MYT1: variants seen among roughly 807,000 people sequenced by gnomAD.
MYT1 encodes the protein myelin transcription factor I.
Under a neutral mutation model 123.0 loss-of-function variants are expected in MYT1, and 23 were observed. The ratio of observed to expected loss-of-function variants is 0.19; its 90% CI spans 0.13 to 0.26. MYT1 has a LOEUF of 0.26. Among genes scored for constraint, MYT1 ranks in the 10% least tolerant of loss-of-function variants. The pLI, the probability that MYT1 is intolerant of heterozygous loss-of-function variation, is 1.00. For synonymous variants in MYT1, 518 were observed against 575.3 expected, an observed-to-expected ratio of 0.90 and a Z score of 1.43; for missense variants, 1,125 against 1,472.5, an observed-to-expected ratio of 0.76 and a Z score of 3.86.
Position 64,221,992 on chromosome 20 carries a change from C to T in MYT1, c.2341C>T (p.Leu781=). ...GCGGAAGTATCCGGGGGAAGTCACC[C>T]TGACCAACTTTAAGCTGAAGTTTCT... The part of the protein sequence containing the change: ...EERKYPGEVT[L]TNFKLKFLSK... Residue 781 remains leucine, a synonymous_variant, in exon 14 of 23, where the codon CTG becomes TTG. Coordinates refer to ENST00000328439, the MANE Select transcript of MYT1 (RefSeq NM_004535.3). 1 of 1,613,590 alleles carries T rather than the reference C, an allele frequency of 6.2e-7. No individual in the cohort carries two copies. Among genetic ancestry groups the T allele is most frequent in the Non-Finnish European group, 8.5e-7 (1 of 1,180,032 alleles).
intron 6 of MYT1, among the ~76,000 whole-genome samples, chr20:64,206,799 T>C (rs1316017632): frequency 6.6e-6 from 1 of 152,210 alleles, no homozygotes; most frequent in Non-Finnish European, 1.5e-5. Flanking sequence ...CCCTCCGAAG[T>C]AGGTGGATGG....
At chr20:64,180,414 C>G (rs1569306583) in intron 1 of MYT1, among the ~76,000 whole-genome samples, 1 of 152,230 alleles carries the variant, frequency 6.6e-6, no homozygotes, top group Non-Finnish European at 1.5e-5. Context: ...TTTCCATTAT[C>G]TTTAATGTGT....
At chr20:64,205,473 C>T in intron 5 of MYT1, 80 bp from the exon 6 acceptor site, 1 of 1,560,998 alleles carries the variant, frequency 6.4e-7, no homozygotes, top group Non-Finnish European at 8.7e-7. Flanking sequence ...AGGGAGGACC[C>T]TCGGGAGGGG....
chr20:64,227,813 A>AT lies in MYT1; in HGVS notation c.2592-75_2592-74insT. On this transcript the variant is annotated intron_variant, in intron 17 of 22. Coordinates refer to ENST00000328439, the MANE Select transcript of MYT1 (RefSeq NM_004535.3). Reference sequence around the variant, plus strand: ...CCCTGGGGTCACAGAGCTTGAGGGGAGAGGGTGAGATGAACGGGTGTGAGA... The same window carrying AT: ...CCCTGGGGTCACAGAGCTTGAGGGGATGAGGGTGAGATGAACGGGTGTGAGA... 4.8e-6 allele frequency: 3 copies of AT among 626,344 alleles called. No individual in the cohort carries two copies. In the South Asian group the frequency reaches 5.0e-5, roughly 10 times the overall value. The allele number at this position is 626,344 out of a possible 1,614,324, so 38.8% of individuals were successfully genotyped here. A position where few individuals can be genotyped will look rare whatever the true frequency, so the allele number is the denominator to read the frequency against.
At chr20:64,226,534 G>A (rs1471408354) in intron 16 of MYT1, among the ~76,000 whole-genome samples, 2 of 152,252 alleles carry the variant, frequency 1.3e-5, no homozygotes, top group Non-Finnish European at 1.5e-5. Flanking sequence ...CCTGGCTCCT[G>A]CAGGGTCAGG....
intron 14 of MYT1, among the ~76,000 whole-genome samples, chr20:64,222,524 C>A (rs1047614202): frequency 6.6e-6 from 1 of 152,244 alleles, no homozygotes; most frequent in African/African-American, 2.4e-5. Flanking sequence ...TGAGCTGGTC[C>A]GCATGGGGTT....
rs529380181 is a variant in MYT1, at chr20:64,166,134, A to G, written c.-99+1395A>G. Reference sequence around the variant, plus strand: ...TTGGCTGTGATTATCGCCTCCTTCCATATGGCCCTGTTAATTAACGGTAAA... The same window carrying G: ...TTGGCTGTGATTATCGCCTCCTTCCGTATGGCCCTGTTAATTAACGGTAAA... On this transcript the variant is annotated intron_variant, in intron 1 of 22. Coordinates refer to ENST00000328439, the MANE Select transcript of MYT1 (RefSeq NM_004535.3). The surrounding 1 kb of genome is among the most constrained non-coding windows in gnomAD (Gnocchi z 4.9). 2.0e-5 allele frequency among the ~76,000 whole-genome samples: 3 copies of G among 152,228 alleles called. No homozygotes were observed. Among genetic ancestry groups the G allele is most frequent in the South Asian group, 2.1e-4 (1 of 4,820 alleles).
intron 4 of MYT1, among the ~76,000 whole-genome samples, 153 bp downstream of exon 4, chr20:64,200,075 G>A (rs1568707266): frequency 6.6e-6 from 1 of 152,122 alleles, no homozygotes; most frequent in African/African-American, 2.4e-5. Flanking sequence ...TCCTGGCCAC[G>A]TGTCCAGCTA....
intron 1 of MYT1, among the ~76,000 whole-genome samples, chr20:64,183,541 ATTACAGCCATT>A (rs1982713361): frequency 6.6e-6 from 1 of 152,190 alleles, no homozygotes; most frequent in Admixed American, 6.5e-5. Flanking sequence ...TATCTTTAAC[ATTACAGCCATT>A]TTAGTGCAAT....
At chr20:64,233,125 C>T (rs1984372722) in intron 19 of MYT1, among the ~76,000 whole-genome samples, 2 of 139,532 alleles carry the variant, frequency 1.4e-5, no homozygotes, top group Non-Finnish European at 3.1e-5. Flanking sequence ...TCCTTCCCCT[C>T]CCTTCTCCCT....
intron 2 of MYT1, among the ~76,000 whole-genome samples, chr20:64,197,027 A>C (rs548279862): frequency 1.3e-5 from 2 of 152,362 alleles, no homozygotes; most frequent in African/African-American, 4.8e-5. Flanking sequence ...AATGTAATGA[A>C]GTCCCTGTGA....
Position 64,232,401 on chromosome 20 carries a change from G to A in MYT1, c.2897+16G>A, listed in dbSNP as rs1465007033. The A allele has an allele frequency of 6.2e-7, 1 of 1,612,064 alleles. No homozygotes were observed. The highest frequency in any genetic ancestry group is 1.1e-5 in the South Asian group (1 of 91,050). On this transcript the variant is annotated intron_variant, in intron 19 of 22. Transcript: ENST00000328439. This position sits in a 1 kb window ranked among gnomAD's most constrained non-coding sequence, Gnocchi z 6.9. The stretch of plus-strand genomic sequence containing the variant: ...CCCACCGGAGGTAACTGTGCCTGCA[G>A]GTCCTGCCCCTCTGTGCAGTCAGTA...
intron 18 of MYT1, among the ~76,000 whole-genome samples, chr20:64,228,972 G>A (rs1040563009): frequency 6.6e-5 from 10 of 152,186 alleles, no homozygotes; most frequent in South Asian, 2.1e-4. Flanking sequence ...CCTCACGCCC[G>A]GGGAGGGGCA....
At chr20:64,222,173 CGAGCCAGGCAGCCTGTGACAG>C in intron 14 of MYT1, 126 bp downstream of exon 14, 1 of 1,028,416 alleles carries the variant, frequency 9.7e-7, no homozygotes, top group Non-Finnish European at 1.4e-6. Flanking sequence ...CTGACCACCT[CGAGCCAGGCAGCCTGTGACAG>C]GAGCCAGGGT....
intron 1 of MYT1, among the ~76,000 whole-genome samples, chr20:64,179,955 GCA>G (rs572807670): frequency 2.0e-3 from 153 of 78,290 alleles, no homozygotes; most frequent in African/African-American, 6.3e-3. Flanking sequence ...TTACACATTT[GCA>G]CACAGTTACA....
In MYT1 at chr20:64,232,443, G is replaced by A. The variant is rs1304913878; in HGVS notation, c.2897+58G>A. ...CAGTCAGTAGGGACCCTCGCCTGGG[G>A]CCTGGGGCTGAAGCTCCTGAGGGAG... On this transcript the variant is annotated intron_variant, in intron 19 of 22. Transcript: ENST00000328439. The surrounding 1 kb of genome is among the most constrained non-coding windows in gnomAD (Gnocchi z 6.9). 1.0e-4 allele frequency: 163 copies of A among 1,555,638 alleles called. No homozygotes were observed. Among genetic ancestry groups the A allele is most frequent in the African/African-American group, 4.1e-5 (3 of 73,726 alleles).
intron 19 of MYT1, among the ~76,000 whole-genome samples, chr20:64,233,127 C>A (rs1244896196): frequency 7.4e-6 from 1 of 135,246 alleles, no homozygotes; most frequent in Non-Finnish European, 1.6e-5. Context: ...CTTCCCCTCC[C>A]TTCTCCCTCC....
Position 64,208,634 on chromosome 20 carries a change from T to C in MYT1, c.1291+147T>C, listed in dbSNP as rs1601714053. On this transcript the variant is annotated intron_variant, in intron 7 of 22. Coordinates refer to ENST00000328439, the MANE Select transcript of MYT1 (RefSeq NM_004535.3). This position sits in a 1 kb window ranked among gnomAD's most constrained non-coding sequence, Gnocchi z 5.4. ...AAGGACAAATACATGACACAGACTG[T>C]GGTCAGATACTGAGCAAATGGGTTC... is the stretch of plus-strand genomic sequence containing the variant. 1.5e-6 allele frequency: 2 copies of C among 1,362,024 alleles called. No homozygotes were observed. The highest frequency in any genetic ancestry group is 5.0e-5 in the East Asian group (2 of 39,674). The allele number at this position is 1,362,024 out of a possible 1,614,324, so 84.4% of individuals were successfully genotyped here. A position where few individuals can be genotyped will look rare whatever the true frequency, so the allele number is the denominator to read the frequency against.
chr20:64,224,876 G>A (rs1373001445), intron 16 of MYT1, among the ~76,000 whole-genome samples: 2 of 152,220 alleles, frequency 1.3e-5, no homozygotes, highest in African/African-American at 4.8e-5. Flanking sequence ...TTTCTGTCCT[G>A]TGAAGTGGAT....
Sources: gnomAD v4.1 joint callset for allele counts (sites outside exome capture counted in the v4.1 genomes callset) on GRCh38, gnomAD v4.1.1 for gene constraint, Gnocchi (gnomAD v3.1) non-coding constraint, MANE v1.5 for transcripts, NCBI Gene and HGNC (gene_info 2026-07-23, HGNC 2026-07-21) for gene names.